PTPRK: variants seen among roughly 807,000 people sequenced by gnomAD.
The protein encoded by PTPRK is protein tyrosine phosphatase receptor type K, also known as receptor-type tyrosine-protein phosphatase kappa.
PTPRK carries 75 observed loss-of-function variants against 178.0 expected under a neutral mutation model. That is an observed-to-expected ratio of 0.42 (90% CI 0.35 to 0.51). PTPRK has a LOEUF of 0.51. PTPRK is among the 20% of genes least tolerant of loss of function. PTPRK has a pLI of 0.02. For missense variants in PTPRK, 1,441 were observed against 1,797.8 expected (o/e 0.80, Z 3.59); for synonymous variants, 637 against 620.6 (o/e 1.03, Z -0.39).
intron 2 of PTPRK, among the ~76,000 whole-genome samples, chr6:128,394,280 A>G (rs1839997422): frequency 6.6e-6 from 1 of 152,158 alleles, no homozygotes; most frequent in South Asian, 2.1e-4. Context: ...GCTGACAGAC[A>G]TTTGGGTTGT....
intron 7 of PTPRK, among the ~76,000 whole-genome samples, chr6:128,156,828 T>C (rs1319536786): frequency 1.3e-5 from 2 of 152,012 alleles, no homozygotes; most frequent in African/African-American, 4.8e-5. Flanking sequence ...TCTGTATGTA[T>C]ATATACATGC....
At chr6:128,173,200 T>C (rs1800562037) in intron 7 of PTPRK, among the ~76,000 whole-genome samples, 1 of 151,998 alleles carries the variant, frequency 6.6e-6, no homozygotes, top group Non-Finnish European at 1.5e-5. Context: ...TTCAACAAAC[T>C]GATCACAGTT....
At chr6:128,454,560 G>C (rs1162061564) in intron 1 of PTPRK, among the ~76,000 whole-genome samples, 1 of 152,134 alleles carries the variant, frequency 6.6e-6, no homozygotes, top group Non-Finnish European at 1.5e-5. Context: ...GTGGATTTTA[G>C]TGGATTTACA....
At chr6:128,034,558 A>G (rs1329562704) in intron 13 of PTPRK, among the ~76,000 whole-genome samples, 2 of 152,174 alleles carry the variant, frequency 1.3e-5, no homozygotes, top group Non-Finnish European at 1.5e-5. Flanking sequence ...TACAGGGGGA[A>G]AAAAATCAAA....
At chr6:128,378,568 A>G (rs1170556644) in intron 2 of PTPRK, among the ~76,000 whole-genome samples, 1 of 152,106 alleles carries the variant, frequency 6.6e-6, no homozygotes, top group East Asian at 1.9e-4. Context: ...AAGCATGAAA[A>G]AAATTTCCAC....
intron 1 of PTPRK, among the ~76,000 whole-genome samples, chr6:128,412,965 T>A (rs1475669810): frequency 6.6e-6 from 1 of 152,182 alleles, no homozygotes; most frequent in African/African-American, 2.4e-5. Context: ...AGAGATGCCA[T>A]TTACAAGTGA....
At chr6:128,357,463 GGCAGGA>G (rs1420514764) in intron 2 of PTPRK, among the ~76,000 whole-genome samples, 10 of 152,188 alleles carry the variant, frequency 6.6e-5, no homozygotes, top group African/African-American at 1.9e-4. Context: ...GGGCAAGAAA[GGCAGGA>G]GCAGGAGAGA....
chr6:128,101,362 C>A (rs1338485442), intron 7 of PTPRK, among the ~76,000 whole-genome samples: 9 of 152,074 alleles, frequency 5.9e-5, no homozygotes, highest in Non-Finnish European at 1.2e-4. Flanking sequence ...CTCATTCTAA[C>A]CTTCCTGCTT....
intron 1 of PTPRK, among the ~76,000 whole-genome samples, chr6:128,427,384 T>C (rs1180584681): frequency 6.6e-6 from 1 of 152,186 alleles, no homozygotes; most frequent in Non-Finnish European, 1.5e-5. Context: ...CTGCCTTCTA[T>C]TTAGGTACAC....
intron 7 of PTPRK, among the ~76,000 whole-genome samples, chr6:128,164,506 C>T (rs915859070): frequency 8.6e-5 from 13 of 151,238 alleles, no homozygotes; most frequent in South Asian, 4.1e-4. Flanking sequence ...AACCCTCCAA[C>T]GCCTCTAACT....
chr6:128,204,499 A>T (rs572286628), intron 6 of PTPRK, among the ~76,000 whole-genome samples: 1 of 152,310 alleles, frequency 6.6e-6, no homozygotes, highest in South Asian at 2.1e-4. Flanking sequence ...AAATGGGAGA[A>T]AATTTTTGCA....
chr6:128,324,183 C>G (rs965218943), intron 2 of PTPRK, among the ~76,000 whole-genome samples: 1 of 152,020 alleles, frequency 6.6e-6, no homozygotes, highest in African/African-American at 2.4e-5. Flanking sequence ...ACAGTTCCAC[C>G]CCCTCCCCTC....
chr6:128,001,574 T>C (rs1458991854), intron 15 of PTPRK, among the ~76,000 whole-genome samples: 1 of 152,044 alleles, frequency 6.6e-6, no homozygotes, highest in Non-Finnish European at 1.5e-5. Flanking sequence ...TAAACATGAA[T>C]ATCCTTTTTC....
At chr6:128,181,295 A>T (rs1022331674) in intron 7 of PTPRK, among the ~76,000 whole-genome samples, 1 of 152,116 alleles carries the variant, frequency 6.6e-6, no homozygotes, top group Non-Finnish European at 1.5e-5. Context: ...CTTAAAATGG[A>T]ATTTTAAAAA....
At chr6:128,325,498 A>G (rs1236673428) in intron 2 of PTPRK, among the ~76,000 whole-genome samples, 2 of 152,186 alleles carry the variant, frequency 1.3e-5, no homozygotes, top group South Asian at 2.1e-4. Context: ...AACCCATCAA[A>G]AAGTGGGTGA....
chr6:128,192,092 TATC>T (rs1408372332), intron 6 of PTPRK, among the ~76,000 whole-genome samples: 1 of 152,226 alleles, frequency 6.6e-6, no homozygotes, highest in Non-Finnish European at 1.5e-5. Context: ...TTGGGAAATT[TATC>T]ATAAGGAGAT....
chr6:128,117,196 T>A (rs1791683961), intron 7 of PTPRK, among the ~76,000 whole-genome samples: 1 of 152,026 alleles, frequency 6.6e-6, no homozygotes, highest in Admixed American at 6.6e-5. Context: ...TTAATGGGAA[T>A]AGCAAATCTA....
intron 13 of PTPRK, among the ~76,000 whole-genome samples, chr6:128,018,907 C>T (rs1209741166): frequency 6.6e-6 from 1 of 152,044 alleles, no homozygotes; most frequent in Non-Finnish European, 1.5e-5. Flanking sequence ...AAACATTGTA[C>T]TAGGCTAAAA....
At chr6:128,253,665 C>T (rs746207627) in intron 3 of PTPRK, among the ~76,000 whole-genome samples, 2 of 152,214 alleles carry the variant, frequency 1.3e-5, no homozygotes, top group Non-Finnish European at 2.9e-5. Flanking sequence ...TAGATCACTT[C>T]ACCTGCACAA....
Sources: allele counts gnomAD v4.1 joint callset (sites outside exome capture counted in the v4.1 genomes callset), GRCh38; gene constraint gnomAD v4.1.1; transcripts MANE v1.5; gene names NCBI Gene and HGNC (gene_info 2026-07-23, HGNC 2026-07-21).